ULK4: variants seen among roughly 807,000 people sequenced by gnomAD.
The protein encoded by ULK4 is inactive serine/threonine-protein kinase ULK4.
In ULK4, 133 loss-of-function variants were observed where a neutral mutation model predicts 160.6. The ratio of observed to expected loss-of-function variants is 0.83; its 90% confidence interval spans 0.72 to 0.96. ULK4 has a LOEUF of 0.96. ULK4 is among the 40% of genes least tolerant of loss of function. The pLI, the probability that ULK4 is intolerant of heterozygous loss-of-function variation, is 0.00. For missense variants in ULK4, 1,580 were observed against 1,499.5 expected (o/e 1.05, Z -0.89); for synonymous variants, 534 against 539.8 (o/e 0.99, Z 0.15).
At chr3:41,645,936 C>T (rs1290140949) in intron 30 of ULK4, among the ~76,000 whole-genome samples, 1 of 152,182 alleles carries the variant, frequency 6.6e-6, no homozygotes, top group Non-Finnish European at 1.5e-5. Flanking sequence ...GATCCCTTTA[C>T]CATTATGTAA....
chr3:41,406,513 A>G (rs370137849), intron 34 of ULK4, among the ~76,000 whole-genome samples: 1 of 152,310 alleles, frequency 6.6e-6, no homozygotes, highest in South Asian at 2.1e-4. Flanking sequence ...AAATGTCGGT[A>G]GCTTGATAGG....
chr3:41,911,516 A>T (rs748921492), intron 10 of ULK4, 25 bp downstream of exon 10: 2 of 1,593,786 alleles, frequency 1.3e-6, no homozygotes, highest in East Asian at 4.5e-5. Flanking sequence ...TCTAAGTAGC[A>T]TGAATGTGCT....
At chr3:41,785,782 A>G (rs2039982563) in intron 21 of ULK4, among the ~76,000 whole-genome samples, 1 of 152,124 alleles carries the variant, frequency 6.6e-6, no homozygotes, top group African/African-American at 2.4e-5. Flanking sequence ...TCATTGCACT[A>G]AAACCCCTTA....
chr3:41,705,383 C>T (rs1490375124), intron 25 of ULK4, 78 bp from the exon 26 acceptor site: 11 of 1,052,736 alleles, frequency 1.0e-5, no homozygotes, highest in Non-Finnish European at 1.5e-5. Flanking sequence ...ACATTTTGCC[C>T]AAAACTGTAC....
chr3:41,444,269 G>T (rs2083240637), intron 34 of ULK4, among the ~76,000 whole-genome samples: 1 of 150,392 alleles, frequency 6.6e-6, no homozygotes, highest in South Asian at 2.1e-4. Context: ...ATTAACATTG[G>T]GCATTTGTAT....
intron 34 of ULK4, among the ~76,000 whole-genome samples, chr3:41,453,011 T>C (rs2083456319): frequency 6.6e-6 from 1 of 152,160 alleles, no homozygotes; most frequent in Admixed American, 6.5e-5. Context: ...CTGAGCTCTC[T>C]TGTATTTTTA....
intron 34 of ULK4, among the ~76,000 whole-genome samples, chr3:41,398,589 C>G (rs1198958908): frequency 2.7e-5 from 4 of 150,238 alleles, no homozygotes; most frequent in Non-Finnish European, 4.4e-5. Context: ...ACGTGGTCCC[C>G]CTATGTTGCC....
chr3:41,686,952 T>A (rs1290574988), intron 27 of ULK4, among the ~76,000 whole-genome samples: 4 of 152,222 alleles, frequency 2.6e-5, no homozygotes, highest in Non-Finnish European at 5.9e-5. Context: ...GCACAGTGGC[T>A]CATGCCTATA....
At chr3:41,960,945 C>G (rs898431367) in intron 1 of ULK4, among the ~76,000 whole-genome samples, 8 of 152,174 alleles carry the variant, frequency 5.3e-5, no homozygotes, top group African/African-American at 1.9e-4. Flanking sequence ...TCAATCACCA[C>G]CCCTCCTGAT....
At chr3:41,664,395 T>A (rs756448607) in intron 29 of ULK4, among the ~76,000 whole-genome samples, 1 of 152,094 alleles carries the variant, frequency 6.6e-6, no homozygotes. Context: ...GGTTTCCTTA[T>A]GTCCTCTGTC....
In ULK4 at chr3:41,701,240, G is replaced by C. The variant is rs114616404; in HGVS notation, c.2781+3817C>G. Among the ~76,000 whole-genome samples, 419 of 152,086 alleles carry C rather than the reference G, an allele frequency of 2.8e-3. 1 individual carries two copies. Among genetic ancestry groups the C allele is most frequent in the African/African-American group, 9.9e-3 (412 of 41,496 alleles). On this transcript the variant is annotated intron_variant, in intron 27 of 36. Coordinates refer to ENST00000301831, the MANE Select transcript of ULK4 (RefSeq NM_017886.4). ...CAAGCAGCACAGAGAATCCTCAACAGAATAAGTAAAAAAGAAATTTATATT... is the reference window on the plus strand; with the variant it reads ...CAAGCAGCACAGAGAATCCTCAACACAATAAGTAAAAAAGAAATTTATATT...
chr3:41,495,843 G>A (rs2084969539), intron 32 of ULK4, among the ~76,000 whole-genome samples: 2 of 151,748 alleles, frequency 1.3e-5, no homozygotes, highest in South Asian at 4.2e-4. Context: ...CATCATCACT[G>A]GCCATCAGAG....
intron 35 of ULK4, among the ~76,000 whole-genome samples, chr3:41,360,310 G>A (rs1037997258): frequency 1.8e-4 from 28 of 152,296 alleles, no homozygotes; most frequent in African/African-American, 4.8e-4. Context: ...CTTTTATACC[G>A]TTGGTGGGAG....
At chr3:41,636,310 G>A (rs929559046) in intron 30 of ULK4, among the ~76,000 whole-genome samples, 3 of 152,192 alleles carry the variant, frequency 2.0e-5, no homozygotes, top group Non-Finnish European at 4.4e-5. Flanking sequence ...CGAGGTGGGT[G>A]GATTACTTGA....
At chr3:41,518,589 T>C (rs1431471040) in intron 32 of ULK4, among the ~76,000 whole-genome samples, 1 of 152,240 alleles carries the variant, frequency 6.6e-6, no homozygotes, top group East Asian at 1.9e-4. Context: ...GTCCTCACTT[T>C]AAATGTCCTA....
chr3:41,844,444 G>A (rs1174958672), intron 17 of ULK4, among the ~76,000 whole-genome samples: 1 of 152,142 alleles, frequency 6.6e-6, no homozygotes. Context: ...GGGCCGGCAG[G>A]GCCAGCCGGC....
rs535053435 is a variant in ULK4, at chr3:41,493,477, G to C, written c.3227-30224C>G. Among the ~76,000 whole-genome samples the C allele has an allele frequency of 3.1e-5, 4 of 127,908 alleles. No individual in the cohort carries two copies. In the East Asian group the frequency reaches 8.1e-4, roughly 26 times the overall value. The allele number at this position is 127,908 out of a possible 152,430, so 83.9% of individuals were successfully genotyped here. A position where few individuals can be genotyped will look rare whatever the true frequency, so the allele number is the denominator to read the frequency against. On this transcript the variant is annotated intron_variant, in intron 32 of 36. Coordinates refer to ENST00000301831, the MANE Select transcript of ULK4 (RefSeq NM_017886.4). ...ACTAAATGCCCACAAGAGAAAGCAA[G>C]AAAGATCCAAAATTGACACCCTGAC...
intron 31 of ULK4, among the ~76,000 whole-genome samples, chr3:41,584,298 C>T (rs750650914): frequency 5.3e-5 from 8 of 151,976 alleles, no homozygotes; most frequent in Non-Finnish European, 1.2e-4. Flanking sequence ...GATATAATAA[C>T]TTTTTTCTTT....
At chr3:41,658,728 T>TACACACACACACACACACACACACTCTC (rs1553628688) in intron 30 of ULK4, among the ~76,000 whole-genome samples, 22 of 84,510 alleles carry the variant, frequency 2.6e-4, no homozygotes, top group African/African-American at 2.4e-3. Context: ...TGAAAAACAG[T>TACACACACACACACACACACACACTCTC]ACACACACAC....
Sources: allele counts gnomAD v4.1 joint callset (sites outside exome capture counted in the v4.1 genomes callset), GRCh38; gene constraint gnomAD v4.1.1; transcripts MANE v1.5; gene names NCBI Gene and HGNC (gene_info 2026-07-23, HGNC 2026-07-21).